Variants in TNS3 observed in about 807,000 individuals in gnomAD.
TNS3 encodes tensin 3.
A neutral mutation model predicts 140.9 loss-of-function variants in TNS3; 45 were observed. That is an observed-to-expected ratio of 0.32 (90% confidence interval 0.25 to 0.41). TNS3 has a LOEUF of 0.41. TNS3 is among the 10% of genes least tolerant of loss of function. TNS3 has a pLI of 1.00. For synonymous variants in TNS3, 815 were observed against 788.4 expected, an observed-to-expected ratio of 1.03 and a Z score of -0.56; for missense variants, 1,716 against 1,906.7, an observed-to-expected ratio of 0.90 and a Z score of 1.86.
chr7:47,342,492 G>A lies in TNS3; in HGVS notation c.2650+2263C>T, dbSNP rs571364139. The stretch of plus-strand genomic sequence containing the variant: ...TTAGATAAGGAGGTGGAGGTTCATA[G>A]GGGTTACCTAAATGTACAAATTACA... On this transcript the variant is annotated intron_variant, in intron 20 of 30. Transcript: ENST00000311160. Among the ~76,000 whole-genome samples, 11 of 152,340 alleles carry A rather than the reference G, an allele frequency of 7.2e-5. No homozygotes were observed. In the South Asian group the frequency reaches 1.4e-3, roughly 20 times the overall value.
intron 4 of TNS3, among the ~76,000 whole-genome samples, chr7:47,480,749 A>G (rs1797383719): frequency 6.6e-6 from 1 of 152,220 alleles, no homozygotes; most frequent in South Asian, 2.1e-4. Context: ...CTGGCGACCC[A>G]GGCACCCTCA....
chr7:47,326,432 T>G (rs1317817698), intron 20 of TNS3, among the ~76,000 whole-genome samples: 1 of 152,160 alleles, frequency 6.6e-6, no homozygotes, highest in Non-Finnish European at 1.5e-5. Context: ...ATACAATTAC[T>G]CTGCCCCTAC....
At chr7:47,437,032 G>A (rs1224810706) in intron 7 of TNS3, among the ~76,000 whole-genome samples, 1 of 152,056 alleles carries the variant, frequency 6.6e-6, no homozygotes, top group Non-Finnish European at 1.5e-5. Context: ...TTCTCCCACT[G>A]GAAAGACTGG....
chr7:47,571,475 A>G (rs1396788298), intron 1 of TNS3, among the ~76,000 whole-genome samples: 1 of 150,904 alleles, frequency 6.6e-6, no homozygotes, highest in Non-Finnish European at 1.5e-5. Flanking sequence ...GCTCAAAGCC[A>G]TCTGGCAGTA....
chr7:47,312,089 C>T (rs1415384225), intron 20 of TNS3, among the ~76,000 whole-genome samples: 5 of 152,172 alleles, frequency 3.3e-5, no homozygotes, highest in African/African-American at 9.7e-5. Flanking sequence ...ACTGTAAATA[C>T]CATGACCATC....
chr7:47,442,499 G>A (rs531959077), intron 4 of TNS3, among the ~76,000 whole-genome samples: 2 of 152,356 alleles, frequency 1.3e-5, no homozygotes, highest in Admixed American at 1.3e-4. Flanking sequence ...TCAACAGGGA[G>A]AAAAGACTCG....
Position 47,346,324 on chromosome 7 carries a change from G to C in TNS3, c.2314C>G (p.Leu772Val), listed in dbSNP as rs1358357980. 6.2e-7 allele frequency: 1 copy of C among 1,614,188 alleles called. No individual in the cohort carries two copies. The highest frequency in any genetic ancestry group is 1.7e-5 in the Admixed American group (1 of 60,020). ...SSAEQPLGGR[L>V]RKLSLGQYDN... Reference sequence around the variant, plus strand: ...TACTGCCCCAGGCTCAGCTTCCTGAGTCTCCCGCCCAGGGGCTGTTCAGCA... The same window carrying C: ...TACTGCCCCAGGCTCAGCTTCCTGACTCTCCCGCCCAGGGGCTGTTCAGCA... The change falls in exon 18 of 31, where the codon CTC becomes GTC. Residue 772 changes from leucine (L) to valine (V), a missense_variant. By Grantham distance (32) the Leu-to-Val change is conservative (BLOSUM62 1). Around this residue, in one of 3 missense-constraint regions of TNS3, gnomAD observed 1,163 missense variants for 1,182.1 expected, o/e 0.98. Transcript: ENST00000311160.
At chr7:47,470,537 C>A (rs1319408929) in intron 4 of TNS3, 1 of 985,410 alleles carries the variant, frequency 1.0e-6, no homozygotes, top group Non-Finnish European at 1.2e-6. Context: ...AGGGACCACA[C>A]GACAATACTT....
intron 3 of TNS3, among the ~76,000 whole-genome samples, chr7:47,500,380 G>A (rs959236509): frequency 3.9e-5 from 6 of 152,236 alleles, no homozygotes; most frequent in Non-Finnish European, 7.3e-5. Flanking sequence ...GGCAGAGCCC[G>A]TGCTGGCCGC....
chr7:47,318,016 A>G (rs1340507215), intron 20 of TNS3, among the ~76,000 whole-genome samples: 2 of 152,220 alleles, frequency 1.3e-5, no homozygotes, highest in Non-Finnish European at 2.9e-5. Context: ...AAGTACATTC[A>G]CTTTTTCGTA....
chr7:47,518,516 T>C (rs754174034), intron 2 of TNS3, among the ~76,000 whole-genome samples: 1 of 152,172 alleles, frequency 6.6e-6, no homozygotes, highest in Non-Finnish European at 1.5e-5. Context: ...TTCCACGTAA[T>C]GATTTTCTTT....
chr7:47,408,317 C>T (rs1484699266), intron 13 of TNS3, among the ~76,000 whole-genome samples: 1 of 152,150 alleles, frequency 6.6e-6, no homozygotes, highest in Non-Finnish European at 1.5e-5. Flanking sequence ...TTCCAAGTCC[C>T]ACCCACACCG....
chr7:47,280,488 G>A, intron 28 of TNS3, 134 bp from the exon 29 acceptor site: 1 of 841,908 alleles, frequency 1.2e-6, no homozygotes, highest in Non-Finnish European at 2.0e-6. Context: ...CTCATCACTT[G>A]GAGAGAAGAA....
chr7:47,461,459 G>A lies in TNS3; in HGVS notation c.-75-19404C>T, dbSNP rs905216526. On this transcript the variant is annotated intron_variant, in intron 4 of 30. Transcript: ENST00000311160. ...TGGCTGTCCCCGCTCCCACTGAGGG[G>A]CTCAGTCAGCCAAGACTCTAGCAGT... Among the ~76,000 whole-genome samples, 8 of 152,250 alleles carry A rather than the reference G, an allele frequency of 5.3e-5. No homozygotes were observed. In the East Asian group the frequency reaches 7.7e-4, roughly 15 times the overall value.
intron 20 of TNS3, among the ~76,000 whole-genome samples, chr7:47,322,834 CCT>C (rs544084766): frequency 8.2e-4 from 125 of 152,262 alleles, no homozygotes; most frequent in African/African-American, 2.9e-3. Context: ...GCCTCCGCTC[CCT>C]GATTCCCTCT....
At chr7:47,522,788 T>C (rs1584807993) in intron 2 of TNS3, among the ~76,000 whole-genome samples, 1 of 151,542 alleles carries the variant, frequency 6.6e-6, no homozygotes. Flanking sequence ...ATTAGCCGGG[T>C]GTGGTGGCGG....
intron 4 of TNS3, among the ~76,000 whole-genome samples, chr7:47,460,977 G>T (rs772176897): frequency 6.6e-5 from 10 of 152,124 alleles, no homozygotes; most frequent in Admixed American, 5.2e-4. Context: ...TATAGATCCC[G>T]CCATGAGAAA....
intron 28 of TNS3, among the ~76,000 whole-genome samples, chr7:47,281,193 C>A (rs991210957): frequency 1.3e-5 from 2 of 152,354 alleles, no homozygotes; most frequent in East Asian, 3.9e-4. Context: ...TAAGGAAGGA[C>A]TCCACATGGT....
chr7:47,479,266 T>C (rs1048278914), intron 4 of TNS3, among the ~76,000 whole-genome samples: 3 of 152,156 alleles, frequency 2.0e-5, no homozygotes, highest in Admixed American at 6.5e-5. Context: ...ACAAATCTGA[T>C]GGCAAGGGAC....
Sources: gnomAD v4.1 joint callset for allele counts (sites outside exome capture counted in the v4.1 genomes callset) on GRCh38, gnomAD v4.1.1 for gene constraint, gnomAD v4.1.1 regional missense constraint, MANE v1.5 for transcripts, NCBI Gene and HGNC (gene_info 2026-07-23, HGNC 2026-07-21) for gene names.